The following WDR25 variants were observed in gnomAD, a reference collection of about 807,000 sequenced individuals.
WDR25 encodes WD repeat-containing protein 25.
A neutral mutation model predicts 47.7 loss-of-function variants in WDR25; 35 were observed. The ratio of observed to expected loss-of-function variants is 0.73; its 90% CI spans 0.56 to 0.97. The LOEUF (loss-of-function observed/expected upper bound fraction) is 0.97, where lower values mean the gene tolerates loss of function less well. Ranked by LOEUF, WDR25 falls within the 50% of genes least tolerant of loss-of-function variation. The probability of loss-of-function intolerance (pLI) is 0.00; values close to 1 mark genes in which losing one functional copy is unlikely to be tolerated. For missense variants in WDR25, 634 were observed against 704.7 expected (o/e 0.90, Z 1.14); for synonymous variants, 248 against 278.9 (o/e 0.89, Z 1.10).
At chr14:100,504,821 T>C (rs184439168) in intron 4 of WDR25, 1 of 152,336 alleles carries the variant, frequency 6.6e-6, no homozygotes, top group African/African-American at 2.4e-5. Context: ...AAAGTGGTTG[T>C]ACCATTTTGC....
intron 2 of WDR25, among the ~76,000 whole-genome samples, chr14:100,393,050 A>G (rs1261118736): frequency 6.6e-6 from 1 of 152,268 alleles, no homozygotes; most frequent in Non-Finnish European, 1.5e-5. Context: ...TTTTCCCTTG[A>G]AGCCCCAAGG....
intron 2 of WDR25, among the ~76,000 whole-genome samples, chr14:100,408,309 C>T (rs1257758164): frequency 6.6e-6 from 1 of 152,144 alleles, no homozygotes; most frequent in African/African-American, 2.4e-5. Flanking sequence ...TAGATTCCCA[C>T]AATTTCAGTA....
In WDR25 at chr14:100,443,793, G is replaced by A. The variant is rs932911951; in HGVS notation, c.823-24228G>A. Reference sequence around the variant, plus strand: ...CGCTCCGGGCTGATGTGAAATGAGCGCATTTGGAAGGCATGAGGAATATGT... The same window carrying A: ...CGCTCCGGGCTGATGTGAAATGAGCACATTTGGAAGGCATGAGGAATATGT... On this transcript the variant is annotated intron_variant, in intron 2 of 6. Transcript: ENST00000402312. Among the ~76,000 whole-genome samples the A allele has an allele frequency of 1.4e-4, 21 of 152,256 alleles. 1 individual carries two copies. The highest frequency in any genetic ancestry group is 4.6e-4 in the African/African-American group (19 of 41,548).
chr14:100,481,761 TG>T (rs1490369124), intron 3 of WDR25, among the ~76,000 whole-genome samples: 2 of 152,210 alleles, frequency 1.3e-5, no homozygotes, highest in African/African-American at 4.8e-5. Flanking sequence ...TGTAAATCTT[TG>T]GTTGTGGTAG....
chr14:100,515,953 C>T (rs1239747503), intron 4 of WDR25, among the ~76,000 whole-genome samples: 3 of 151,532 alleles, frequency 2.0e-5, no homozygotes, highest in Non-Finnish European at 2.9e-5. Context: ...TCTATTTATT[C>T]TATCATTTGT....
rs1464882401 is a variant in WDR25 at position 100,488,178 on chromosome 14, T to A, written c.1101+4054T>A. On this transcript the variant is annotated intron_variant, in intron 4 of 6. Coordinates refer to ENST00000402312, the MANE Select transcript of WDR25 (RefSeq NM_001161476.3). The surrounding 1 kb of genome is among the most constrained non-coding windows in gnomAD (Gnocchi z 4.2). ...TGATGTTTGTAGCACATCTCATTAG[T>A]GCAAAGTGCCTGACTTCATCTCCAG... Among the ~76,000 whole-genome samples, 1 of 152,166 alleles carries A rather than the reference T, an allele frequency of 6.6e-6. No homozygotes were observed. The highest frequency in any genetic ancestry group is 1.9e-4 in the East Asian group (1 of 5,184).
At chr14:100,389,389 G>T (rs1383407992) in intron 2 of WDR25, among the ~76,000 whole-genome samples, 7 of 152,076 alleles carry the variant, frequency 4.6e-5, no homozygotes, top group Non-Finnish European at 1.0e-4. Flanking sequence ...CCTCTTAAGA[G>T]AAGGGTTAGG....
intron 4 of WDR25, among the ~76,000 whole-genome samples, chr14:100,501,216 G>C (rs1225603017): frequency 7.0e-6 from 1 of 142,190 alleles, no homozygotes; most frequent in Non-Finnish European, 1.5e-5. Context: ...CAGCTGGCGA[G>C]CCCAACTTTC....
intron 1 of WDR25, among the ~76,000 whole-genome samples, chr14:100,377,467 A>ATT (rs553180990): frequency 0.17 from 24,097 of 145,432 alleles, 2,164 homozygotes; most frequent in Non-Finnish European, 0.22. Context: ...ACACGGCTAA[A>ATT]TTTTTTTTTT....
chr14:100,486,095 T>G (rs995077732), intron 4 of WDR25, among the ~76,000 whole-genome samples: 9 of 149,912 alleles, frequency 6.0e-5, no homozygotes, highest in South Asian at 2.1e-4. Context: ...TCTAAATACA[T>G]GACAAGTGAA....
At chr14:100,495,975 A>G (rs911625439) in intron 4 of WDR25, among the ~76,000 whole-genome samples, 2 of 152,248 alleles carry the variant, frequency 1.3e-5, no homozygotes, top group Admixed American at 6.5e-5. Flanking sequence ...GTAGAATTGC[A>G]AAGTCATATG....
At chr14:100,476,889 A>G (rs1900037059) in intron 3 of WDR25, among the ~76,000 whole-genome samples, 1 of 152,126 alleles carries the variant, frequency 6.6e-6, no homozygotes, top group Non-Finnish European at 1.5e-5. Flanking sequence ...CTGGAGACCC[A>G]TACTTGGGTT....
rs57958035 is a variant in WDR25 at position 100,430,751 on chromosome 14, C to T, written c.823-37270C>T. ...TGGAGATGCAGGAAGCCCATGCTGA[C>T]GTGCGGAGTGGGCCTGCACAGATGA... is the stretch of plus-strand genomic sequence containing the variant. On this transcript the variant is annotated intron_variant, in intron 2 of 6. Coordinates refer to ENST00000402312, the MANE Select transcript of WDR25 (RefSeq NM_001161476.3). This position sits in a 1 kb window ranked among gnomAD's most constrained non-coding sequence, Gnocchi z 4.7. Among the ~76,000 whole-genome samples, 260 of 152,264 alleles carry T rather than the reference C, an allele frequency of 1.7e-3. No homozygotes were observed. The highest frequency in any genetic ancestry group is 5.6e-3 in the African/African-American group (233 of 41,550).
intron 2 of WDR25, among the ~76,000 whole-genome samples, chr14:100,463,115 G>A (rs77017282): frequency 0.068 from 8,216 of 120,350 alleles, 608 homozygotes; most frequent in African/African-American, 0.21. Flanking sequence ...CTCCCTTTCC[G>A]TTTCCCATCC....
intron 4 of WDR25, among the ~76,000 whole-genome samples, chr14:100,491,164 A>C (rs1398485696): frequency 1.3e-5 from 2 of 152,174 alleles, no homozygotes; most frequent in Non-Finnish European, 2.9e-5. Context: ...GCCATGGCTC[A>C]TTTCCTCGTG....
chr14:100,456,005 T>G (rs893219325), intron 2 of WDR25, among the ~76,000 whole-genome samples: 1 of 152,172 alleles, frequency 6.6e-6, no homozygotes, highest in Non-Finnish European at 1.5e-5. Context: ...GTATCTTTGA[T>G]GGCATCTTTA....
intron 4 of WDR25, among the ~76,000 whole-genome samples, chr14:100,510,979 A>G (rs1050923440): frequency 1.3e-5 from 2 of 152,076 alleles, no homozygotes; most frequent in Admixed American, 6.6e-5. Context: ...ATCAGCTCGT[A>G]TAAGTCTTCC....
Position 100,525,845 on chromosome 14 carries a change from G to A in WDR25, c.1102-25G>A. ...CCTGTCCGTGCTGCCAGGCCTGCCA[G>A]CATGACCGGTGTCCGCTCTTGCAGG... On this transcript the variant is annotated intron_variant, in intron 4 of 6. Coordinates refer to ENST00000402312, the MANE Select transcript of WDR25 (RefSeq NM_001161476.3). The surrounding 1 kb of genome is among the most constrained non-coding windows in gnomAD (Gnocchi z 4.6). 6.2e-7 allele frequency: 1 copy of A among 1,610,188 alleles called. No homozygotes were observed. The highest frequency in any genetic ancestry group is 8.5e-7 in the Non-Finnish European group (1 of 1,177,260).
chr14:100,521,203 C>CACAGAG (rs796527457), intron 4 of WDR25, among the ~76,000 whole-genome samples: 269 of 150,078 alleles, frequency 1.8e-3, no homozygotes, highest in African/African-American at 6.5e-3. Flanking sequence ...CACACACACA[C>CACAGAG]AGAGAGAGAG....
Sources: gnomAD v4.1 joint callset for allele counts (sites outside exome capture counted in the v4.1 genomes callset) on GRCh38, gnomAD v4.1.1 for gene constraint, Gnocchi (gnomAD v3.1) non-coding constraint, MANE v1.5 for transcripts, NCBI Gene and HGNC (gene_info 2026-07-23, HGNC 2026-07-21) for gene names.